Variants in RBFOX1 observed in about 807,000 individuals in gnomAD.
The protein encoded by RBFOX1 is RNA binding protein fox-1 homolog 1.
A neutral mutation model predicts 57.7 loss-of-function variants in RBFOX1; 8 were observed. The ratio of observed to expected loss-of-function variants is 0.14; its 90% CI spans 0.08 to 0.25. RBFOX1 has a LOEUF of 0.25. Ranked by LOEUF, RBFOX1 falls within the 10% of genes least tolerant of loss-of-function variation. RBFOX1 has a pLI of 1.00. For missense variants in RBFOX1, 611 were observed against 548.5 expected (o/e 1.11, Z -1.14); for synonymous variants, 326 against 222.4 (o/e 1.47, Z -4.15).
intron 1 of RBFOX1, among the ~76,000 whole-genome samples, chr16:6,122,357 A>AACACACAC (rs61531585): frequency 1.2e-4 from 18 of 145,456 alleles, no homozygotes; most frequent in African/African-American, 4.3e-4. Flanking sequence ...CTAAAAGATA[A>AACACACAC]ACACACACAC....
At chr16:6,194,931 T>C (rs1352170645) in intron 1 of RBFOX1, among the ~76,000 whole-genome samples, 1 of 152,226 alleles carries the variant, frequency 6.6e-6, no homozygotes, top group Non-Finnish European at 1.5e-5. Flanking sequence ...TGAATAGTTT[T>C]CAAGATTTTT....
chr16:6,325,588 A>G (rs907946770), intron 2 of RBFOX1, among the ~76,000 whole-genome samples: 12 of 152,168 alleles, frequency 7.9e-5, no homozygotes, highest in African/African-American at 2.9e-4. Flanking sequence ...TGTTTTCTGA[A>G]GACATTAGTG....
At chr16:5,923,721 A>C (rs372604959) in intron 4 of RBFOX1, among the ~76,000 whole-genome samples, 61 of 151,830 alleles carry the variant, frequency 4.0e-4, no homozygotes, top group African/African-American at 1.4e-3. Context: ...TTGTGTTTTT[A>C]GTGGAGATGG....
At chr16:6,201,084 G>T (rs547739816) in intron 1 of RBFOX1, among the ~76,000 whole-genome samples, 1 of 151,780 alleles carries the variant, frequency 6.6e-6, no homozygotes, top group Non-Finnish European at 1.5e-5. Flanking sequence ...GGCTTATTTC[G>T]CTTAACATAA....
intron 1 of RBFOX1, among the ~76,000 whole-genome samples, chr16:6,164,957 A>G (rs2096906467): frequency 6.6e-6 from 1 of 152,152 alleles, no homozygotes; most frequent in African/African-American, 2.4e-5. Context: ...GTGCAGTTCA[A>G]TAGATCTCAA....
chr16:7,463,462 T>G (rs903364276), intron 4 of RBFOX1, among the ~76,000 whole-genome samples: 4 of 152,106 alleles, frequency 2.6e-5, no homozygotes, highest in Non-Finnish European at 5.9e-5. Flanking sequence ...CAAGATTGCG[T>G]CACTGCGTTG....
intron 3 of RBFOX1, among the ~76,000 whole-genome samples, chr16:5,741,962 T>C (rs1036942534): frequency 3.9e-5 from 6 of 152,232 alleles, no homozygotes; most frequent in African/African-American, 7.2e-5. Context: ...AATGCTATCA[T>C]TGACTAGAAA....
In RBFOX1 at chr16:5,452,728, C is replaced by G. The variant is rs190455258; in HGVS notation, c.220-14488C>G. 2.0e-3 allele frequency among the ~76,000 whole-genome samples: 308 copies of G among 152,064 alleles called. 1 individual carries two copies. The highest frequency in any genetic ancestry group is 7.3e-3 in the African/African-American group (302 of 41,466). ...GCGTGGTCCTGGCTCACTGCAACCT[C>G]CGCCTCCTAGGTTCAAGCCATTCTC... is the stretch of plus-strand genomic sequence containing the variant. On this transcript the variant is annotated intron_variant, in intron 1 of 2. Coordinates refer to the RBFOX1 transcript ENST00000585867.
At chr16:6,262,864 C>T (rs1459070684) in intron 1 of RBFOX1, among the ~76,000 whole-genome samples, 1 of 152,128 alleles carries the variant, frequency 6.6e-6, no homozygotes, top group African/African-American at 2.4e-5. Context: ...TCTCACAACC[C>T]TCATGGAAAT....
At chr16:6,643,577 A>G (rs142972574) in intron 2 of RBFOX1, among the ~76,000 whole-genome samples, 1 of 152,360 alleles carries the variant, frequency 6.6e-6, no homozygotes, top group East Asian at 1.9e-4. Context: ...TCTTTAATAA[A>G]GCAATTAACT....
intron 1 of RBFOX1, among the ~76,000 whole-genome samples, chr16:6,195,537 G>C (rs943756166): frequency 6.6e-6 from 1 of 152,066 alleles, no homozygotes; most frequent in African/African-American, 2.4e-5. Context: ...GACCAACATG[G>C]AGAAACCCCA....
chr16:7,651,227 G>A (rs1201454820), intron 11 of RBFOX1, among the ~76,000 whole-genome samples: 1 of 152,222 alleles, frequency 6.6e-6, no homozygotes, highest in African/African-American at 2.4e-5. Flanking sequence ...AGAACACACA[G>A]AATTCCAGAT....
intron 3 of RBFOX1, among the ~76,000 whole-genome samples, chr16:6,807,036 G>C (rs1303405191): frequency 6.6e-6 from 1 of 151,568 alleles, no homozygotes; most frequent in African/African-American, 2.4e-5. Flanking sequence ...GTTTCAGCAT[G>C]ATTGCCAGGC....
intron 4 of RBFOX1, among the ~76,000 whole-genome samples, chr16:7,271,352 G>T (rs142439617): frequency 5.9e-5 from 9 of 151,500 alleles, no homozygotes; most frequent in Admixed American, 1.3e-4. Flanking sequence ...TTATTTCTTG[G>T]GGGGAGCTCG....
chr16:6,563,244 A>C (rs997842998), intron 2 of RBFOX1, among the ~76,000 whole-genome samples: 2 of 152,182 alleles, frequency 1.3e-5, no homozygotes, highest in African/African-American at 4.8e-5. Flanking sequence ...CATCCTGTGC[A>C]ACACGCATGA....
At chr16:6,220,147 G>C (rs2097362821) in intron 1 of RBFOX1, among the ~76,000 whole-genome samples, 2 of 151,556 alleles carry the variant, frequency 1.3e-5, no homozygotes, top group African/African-American at 4.9e-5. Context: ...TCTCGATATA[G>C]GTATCTATAT....
At chr16:5,973,795 A>G (rs576349906) in intron 4 of RBFOX1, among the ~76,000 whole-genome samples, 31 of 152,340 alleles carry the variant, frequency 2.0e-4, no homozygotes, top group African/African-American at 7.5e-4. Flanking sequence ...GAGCAAGGAC[A>G]AGGATCTGTC....
intron 1 of RBFOX1, among the ~76,000 whole-genome samples, chr16:6,269,351 G>C (rs902970493): frequency 6.6e-6 from 1 of 152,114 alleles, no homozygotes; most frequent in Non-Finnish European, 1.5e-5. Flanking sequence ...AGAACCCATG[G>C]ATATAGAGGG....
In RBFOX1 at chr16:7,710,032, C is replaced by A. The variant is rs141676360; in HGVS notation, c.1072-591C>A. 1.1e-5 allele frequency: 11 copies of A among 1,006,086 alleles called. No individual in the cohort carries two copies. The East Asian group carries it at 1.1e-3, about 101-fold the overall frequency. The allele number at this position is 1,006,086 out of a possible 1,614,324, so 62.3% of individuals were successfully genotyped here. A position where few individuals can be genotyped will look rare whatever the true frequency, so the allele number is the denominator to read the frequency against. ...ACCTTGTAGCCATTAAAACCATGGC[C>A]GGACAGTTCACTGAAGCTCAGTCAT... On this transcript the variant is annotated intron_variant, in intron 15 of 15. Transcript: ENST00000550418.
Sources: allele counts gnomAD v4.1 joint callset (sites outside exome capture counted in the v4.1 genomes callset), GRCh38; gene constraint gnomAD v4.1.1; transcripts MANE v1.5; gene names NCBI Gene and HGNC (gene_info 2026-07-23, HGNC 2026-07-21).